The following DGKQ variants were observed in gnomAD, a reference collection of about 807,000 sequenced individuals.
DGKQ encodes DAG kinase theta.
Under a neutral mutation model 104.2 loss-of-function variants are expected in DGKQ, and 97 were observed. The ratio of observed to expected loss-of-function variants is 0.93; its 90% CI spans 0.79 to 1.10. DGKQ has a LOEUF of 1.10. Among genes scored for constraint, DGKQ ranks in the 50% least tolerant of loss-of-function variants. The pLI, the probability that DGKQ is intolerant of heterozygous loss-of-function variation, is 0.00. For synonymous variants in DGKQ, 736 were observed against 595.2 expected, an observed-to-expected ratio of 1.24 and a Z score of -3.44; for missense variants, 1,465 against 1,352.1, an observed-to-expected ratio of 1.08 and a Z score of -1.31.
intron 7 of DGKQ, 23 bp downstream of exon 7, chr4:967,705 G>A (rs369829336): frequency 5.6e-6 from 9 of 1,611,964 alleles, no homozygotes; most frequent in Non-Finnish European, 7.6e-6. Flanking sequence ...AGTGGAGTTG[G>A]GGGGAATGAG....
Position 960,538 on chromosome 4 carries a change from C to T in DGKQ, c.*82G>A, listed in dbSNP as rs1036320127. On this transcript the variant is annotated 3_prime_UTR_variant, in exon 23 of 23. Coordinates refer to ENST00000273814, the MANE Select transcript of DGKQ (RefSeq NM_001347.4). ...ACCACAGGGCCGGCCACTGTGTGGA[C>T]GTGGAGCTGCCTCCAGACCACCTGA... 5.4e-5 allele frequency: 70 copies of T among 1,307,864 alleles called. No homozygotes were observed. Among genetic ancestry groups the T allele is most frequent in the African/African-American group, 8.7e-5 (6 of 69,356 alleles). 81.0% of individuals were successfully genotyped at this position (1,307,864 alleles called of 1,614,324 possible).
chr4:961,788 T>C lies in DGKQ; in HGVS notation c.2362A>G (p.Ser788Gly), dbSNP rs1239594064. The C allele has an allele frequency of 6.2e-7, 1 of 1,610,610 alleles. No homozygotes were observed. Among genetic ancestry groups the C allele is most frequent in the South Asian group, 1.1e-5 (1 of 90,824 alleles). The change falls in exon 20 of 23, where the codon AGT becomes GGT. Residue 788 changes from serine (S) to glycine (G), a missense_variant. By Grantham distance (56) the Ser-to-Gly change is moderately conservative (BLOSUM62 0). Coordinates refer to ENST00000273814, the MANE Select transcript of DGKQ (RefSeq NM_001347.4). Reference protein sequence around the residue: ...VYVRVGLQKISHSRSLHKQIR... With the variant: ...VYVRVGLQKIGHSRSLHKQIR... ...TGCTTGTGCAGGCTCCGAGAGTGAC[T>C]GATCTTCTGCAGCCCCACCCGCACG...
chr4:966,089 A>G lies in DGKQ; in HGVS notation c.1429-11T>C. On this transcript the variant is annotated splice_polypyrimidine_tract_variant and intron_variant, in intron 12 of 22. Transcript: ENST00000273814. ...CTGCCGCACAGACATCTGCAGGGAG[A>G]GGGGCGGGGATGCTGGGCCGGGGAG... is the stretch of plus-strand genomic sequence containing the variant. 2 of 1,589,208 alleles carry G rather than the reference A, an allele frequency of 1.3e-6. No homozygotes were observed. Among genetic ancestry groups the G allele is most frequent in the South Asian group, 1.1e-5 (1 of 87,930 alleles).
At chr4:968,742 G>A (rs1003902419) in intron 3 of DGKQ, 69 bp downstream of exon 3, 40 of 1,459,048 alleles carry the variant, frequency 2.7e-5, no homozygotes, top group Middle Eastern at 2.3e-4. Flanking sequence ...GCACAGCAGG[G>A]GTGGGCTGGG....
At position 962,692 on chromosome 4, in the gene DGKQ, G is replaced by T; in HGVS notation, c.2036-79C>A. 3.1e-6 allele frequency: 5 copies of T among 1,589,056 alleles called. No homozygotes were observed. In the South Asian group the frequency reaches 5.7e-5, roughly 18 times the overall value. Reference sequence around the variant, plus strand: ...GGGTGCAGACCCCACCACGAGGACAGCCAGCCCAGGCCTCGGCAAAAGCTG... The same window carrying T: ...GGGTGCAGACCCCACCACGAGGACATCCAGCCCAGGCCTCGGCAAAAGCTG... On this transcript the variant is annotated intron_variant, in intron 17 of 22. Transcript: ENST00000273814.
Position 962,809 on chromosome 4 carries a change from G to A in DGKQ, c.1998C>T (p.Cys666=). 7.5e-6 allele frequency: 12 copies of A among 1,606,226 alleles called. No homozygotes were observed. The highest frequency in any genetic ancestry group is 9.3e-6 in the Non-Finnish European group (11 of 1,177,348). Residue 666 remains cysteine (C), a synonymous_variant, in exon 17 of 23, where the codon TGC becomes TGT. Transcript: ENST00000273814. ...ALEETRYRLA[C]PEPSVAILPL... ...GCAGGATGGCCACAGAAGGCTCCGG[G>A]CAGGCCAGTCGGTACCGTGTCTCCT...
In DGKQ at chr4:967,196, C is replaced by T. The variant is rs199737937; in HGVS notation, c.1153G>A (p.Glu385Lys). 4 of 1,595,466 alleles carry T rather than the reference C, an allele frequency of 2.5e-6. No individual in the cohort carries two copies. The East Asian group carries it at 9.0e-5, about 36-fold the overall frequency. Residue 385 changes from glutamate (E) to lysine (K), a missense_variant, in exon 9 of 23, where the codon GAG becomes AAG. By Grantham distance (56) the Glu-to-Lys change is moderately conservative (BLOSUM62 1). Transcript: ENST00000273814. ...GGCAGAGCCCGGATGACCCAGGCCT[C>T]TGGCGTGGCCTCGCCGGACCCGGGG... is the stretch of plus-strand genomic sequence containing the variant. Reference protein sequence around the residue: ...RSPGSGEATPEAWVIRALPRA... With the variant: ...RSPGSGEATPKAWVIRALPRA...
At position 966,756 on chromosome 4, in the gene DGKQ, C is replaced by T. The variant is rs910309678; in HGVS notation, c.1358G>A (p.Cys453Tyr). 4 of 1,608,418 alleles carry T rather than the reference C, an allele frequency of 2.5e-6. No individual in the cohort carries two copies. The African/African-American group carries it at 5.3e-5, about 21-fold the overall frequency. The change falls in exon 11 of 23, where the codon TGC (cysteine) becomes TAC (tyrosine). Residue 453 changes from cysteine (C) to tyrosine (Y), a missense_variant. Physicochemically the swap from Cys to Tyr is radical, Grantham distance 194. Coordinates refer to ENST00000273814, the MANE Select transcript of DGKQ (RefSeq NM_001347.4). ...ACGGGCTGTCTACTCACCGTGCCTGCAGCCCATCGCCACCTCCACCAGCTG... is the reference window on the plus strand; with the variant it reads ...ACGGGCTGTCTACTCACCGTGCCTGTAGCCCATCGCCACCTCCACCAGCTG... ...SFQLVEVAMGCRHVQRTMLMD... is the reference protein window; with the variant it reads ...SFQLVEVAMGYRHVQRTMLMD...
rs775990537 is a variant in DGKQ at position 973,342 on chromosome 4, C to A, written c.141G>T (p.Arg47=). ...PGPGPGPGPE[R]AGVRAPGPAA... ...CGGGGCCCGGGGCTCTGACGCCCGC[C>A]CGCTCGGGTCCCGGCCCCGGCCCCG... Residue 47 remains arginine (R), a synonymous_variant, in exon 1 of 23, where the codon CGG becomes CGT. Coordinates refer to ENST00000273814, the MANE Select transcript of DGKQ (RefSeq NM_001347.4). 1.5e-5 allele frequency: 20 copies of A among 1,364,316 alleles called. No individual in the cohort carries two copies. Among genetic ancestry groups the A allele is most frequent in the Middle Eastern group, 2.5e-4 (1 of 4,012 alleles). The allele number at this position is 1,364,316 out of a possible 1,614,324, so 84.5% of individuals were successfully genotyped here.
Position 967,181 on chromosome 4 carries a change from G to C in DGKQ, c.1168C>G (p.Arg390Gly). The C allele has an allele frequency of 6.3e-7, 1 of 1,598,838 alleles. No homozygotes were observed. Among genetic ancestry groups the C allele is most frequent in the Non-Finnish European group, 8.5e-7 (1 of 1,173,588 alleles). The change falls in exon 9 of 23, where the codon CGG becomes GGG. Residue 390 changes from arginine (R) to glycine (G), a missense_variant. Transcript: ENST00000273814. ...GEATPEAWVI[R>G]ALPRAQEVLK... Reference sequence around the variant, plus strand: ...ACCTCCTGGGCCCGCGGCAGAGCCCGGATGACCCAGGCCTCTGGCGTGGCC... The same window carrying C: ...ACCTCCTGGGCCCGCGGCAGAGCCCCGATGACCCAGGCCTCTGGCGTGGCC...
intron 15 of DGKQ, among the ~76,000 whole-genome samples, chr4:963,765 G>A (rs1712072621): frequency 6.6e-6 from 1 of 152,222 alleles, no homozygotes; most frequent in Admixed American, 6.5e-5. Flanking sequence ...TTAACTCACA[G>A]GGTGGCACGC....
chr4:965,253 C>G lies in DGKQ; in HGVS notation c.1657G>C (p.Glu553Gln), dbSNP rs575557821. The change falls in exon 15 of 23, where the codon GAG (glutamate) becomes CAG (glutamine). Residue 553 changes from glutamate to glutamine, a missense_variant. Physicochemically the swap from Glu to Gln is conservative, Grantham distance 29. Coordinates refer to ENST00000273814, the MANE Select transcript of DGKQ (RefSeq NM_001347.4). ...TCCTTCAGCAGCATGTACAGCCGCT[C>G]GGCCTCCGCAAAGCAGGCAACGTCC... Reference protein sequence around the residue: ...VLDVACFAEAERLYMLLKDMA... With the variant: ...VLDVACFAEAQRLYMLLKDMA... 6.2e-7 allele frequency: 1 copy of G among 1,612,678 alleles called. No homozygotes were observed. Among genetic ancestry groups the G allele is most frequent in the Non-Finnish European group, 8.5e-7 (1 of 1,179,912 alleles).
Position 967,054 on chromosome 4 carries a change from C to T in DGKQ, c.1221G>A (p.Lys407=). The T allele has an allele frequency of 7.1e-6, 11 of 1,553,352 alleles. No homozygotes were observed. Among genetic ancestry groups the T allele is most frequent in the South Asian group, 2.4e-5 (2 of 83,866 alleles). ...EVLKIYPGWL[K]VGVAYVSVRV... Reference sequence around the variant, plus strand: ...GCACGGACACGTAGGCCACGCCCACCCTGTGGGGACACAGTCTGAGCTGGA... The same window carrying T: ...GCACGGACACGTAGGCCACGCCCACTCTGTGGGGACACAGTCTGAGCTGGA... The change falls in exon 10 of 23, where the codon AAG becomes AAA. Residue 407 remains lysine, a splice_region_variant and synonymous_variant. Coordinates refer to ENST00000273814, the MANE Select transcript of DGKQ (RefSeq NM_001347.4).
rs570819525 is a variant in DGKQ, at chr4:962,926, G to A, written c.1887-6C>T. On this transcript the variant is annotated splice_region_variant and splice_polypyrimidine_tract_variant and intron_variant, in intron 16 of 22. Coordinates refer to ENST00000273814, the MANE Select transcript of DGKQ (RefSeq NM_001347.4). Reference sequence around the variant, plus strand: ...CCTGGGAGAACAGGTGGAGCCTAGCGGGAGACAGGAAGTGTCCTCTACCAG... The same window carrying A: ...CCTGGGAGAACAGGTGGAGCCTAGCAGGAGACAGGAAGTGTCCTCTACCAG... 25 of 1,605,206 alleles carry A rather than the reference G, an allele frequency of 1.6e-5. No individual in the cohort carries two copies. The highest frequency in any genetic ancestry group is 6.7e-5 in the African/African-American group (5 of 74,888).
chr4:967,093 C>T (rs758683989), intron 9 of DGKQ, 36 bp downstream of exon 9: 56 of 1,547,176 alleles, frequency 3.6e-5, no homozygotes, highest in Admixed American at 9.4e-5. Flanking sequence ...CCCCCCACCC[C>T]GCCCAGCAGA....
At chr4:972,846 A>C (rs989234873) in intron 1 of DGKQ, among the ~76,000 whole-genome samples, 5 of 152,150 alleles carry the variant, frequency 3.3e-5, no homozygotes, top group African/African-American at 1.2e-4. Context: ...CAGCATGAGA[A>C]GGGCTAGGGC....
intron 13 of DGKQ, 71 bp from the exon 14 acceptor site, chr4:965,600 C>A: frequency 6.5e-7 from 1 of 1,539,562 alleles, no homozygotes; most frequent in Middle Eastern, 1.8e-4. Flanking sequence ...GGGACAGCCC[C>A]TCCGCCTGTC....
chr4:962,084 TG>T lies in DGKQ; in HGVS notation c.2215-3del. ...ACAGTAGTTACTCATCTGCACGATC[TG>T]GGGACAGGGCGTTCATCTCCCAGGA... On this transcript the variant is annotated splice_region_variant and splice_polypyrimidine_tract_variant and intron_variant, in intron 18 of 22. Coordinates refer to ENST00000273814, the MANE Select transcript of DGKQ (RefSeq NM_001347.4). The T allele has an allele frequency of 1.2e-6, 2 of 1,610,350 alleles. No homozygotes were observed. The highest frequency in any genetic ancestry group is 8.5e-7 in the Non-Finnish European group (1 of 1,179,554).
At chr4:968,770 G>A (rs1712682242) in intron 3 of DGKQ, 41 bp downstream of exon 3, 2 of 1,560,720 alleles carry the variant, frequency 1.3e-6, no homozygotes, top group Non-Finnish European at 1.7e-6. Context: ...GGGCAGCAGA[G>A]ACCAGGACAC....
Sources: allele counts gnomAD v4.1 joint callset (sites outside exome capture counted in the v4.1 genomes callset), GRCh38; gene constraint gnomAD v4.1.1; transcripts MANE v1.5; gene names NCBI Gene and HGNC (gene_info 2026-07-23, HGNC 2026-07-21).